CNTN4: variants seen among roughly 807,000 people sequenced by gnomAD.
The protein encoded by CNTN4 is contactin 4, also known as contactin-4.
CNTN4 carries 77 observed loss-of-function variants against 122.5 expected under a neutral mutation model. The ratio of observed to expected loss-of-function variants is 0.63; its 90% CI spans 0.52 to 0.76. The LOEUF (loss-of-function observed/expected upper bound fraction) is 0.76, where lower values mean the gene tolerates loss of function less well. Among genes scored for constraint, CNTN4 ranks in the 30% least tolerant of loss-of-function variants. The pLI is 0.00. For synonymous variants in CNTN4, 512 were observed against 447.0 expected (o/e 1.15, Z -1.83); for missense variants, 1,256 against 1,259.1 (o/e 1.00, Z 0.04).
chr3:2,663,659 A>G (rs912624961), intron 4 of CNTN4, among the ~76,000 whole-genome samples: 3 of 152,200 alleles, frequency 2.0e-5, no homozygotes, highest in African/African-American at 7.2e-5. Context: ...AAAGGGCTCA[A>G]AGAAGAATTT....
intron 2 of CNTN4, among the ~76,000 whole-genome samples, chr3:2,294,893 G>A (rs1481398648): frequency 6.6e-6 from 1 of 151,470 alleles, no homozygotes; most frequent in Non-Finnish European, 1.5e-5. Flanking sequence ...TGTTCTCATT[G>A]TTCAATTCCC....
intron 2 of CNTN4, among the ~76,000 whole-genome samples, chr3:2,336,479 A>C (rs1197838159): frequency 6.6e-6 from 1 of 152,098 alleles, no homozygotes; most frequent in Non-Finnish European, 1.5e-5. Context: ...ATTTGTATTC[A>C]TTGCTCACTT....
At chr3:2,666,828 C>A (rs7624568) in intron 4 of CNTN4, among the ~76,000 whole-genome samples, 64,188 of 148,438 alleles carry the variant, frequency 0.43, 14,332 homozygotes, top group South Asian at 0.57. Context: ...CCTATGAGTG[C>A]GAACACACGG....
In CNTN4 at chr3:2,931,297, G is replaced by A. The variant is rs1410900185; in HGVS notation, c.1358+5518G>A. On this transcript the variant is annotated intron_variant, in intron 13 of 24. Transcript: ENST00000418658. ...TAGTAAGTAGAAGGATTGAAAAAAG[G>A]AGGAGGAAAAAGAGGAAATGCCTCC... is the stretch of plus-strand genomic sequence containing the variant. Among the ~76,000 whole-genome samples, 10 of 152,272 alleles carry A rather than the reference G, an allele frequency of 6.6e-5. No homozygotes were observed. The East Asian group carries it at 1.7e-3, about 26-fold the overall frequency.
chr3:2,676,338 C>T (rs1212989519), intron 4 of CNTN4, among the ~76,000 whole-genome samples: 2 of 152,104 alleles, frequency 1.3e-5, no homozygotes, highest in East Asian at 1.9e-4. Flanking sequence ...TATCCTGCCT[C>T]AGCCTCCCGA....
chr3:2,813,329 C>G (rs1017705418), intron 6 of CNTN4, among the ~76,000 whole-genome samples: 5 of 152,166 alleles, frequency 3.3e-5, no homozygotes, highest in Non-Finnish European at 7.3e-5. Flanking sequence ...ACAAAGGGAA[C>G]TGGTGCTGAC....
At chr3:2,572,969 C>A (rs1010741054) in intron 4 of CNTN4, among the ~76,000 whole-genome samples, 1 of 152,148 alleles carries the variant, frequency 6.6e-6, no homozygotes, top group Non-Finnish European at 1.5e-5. Context: ...CTTTCTTCCA[C>A]GACCCTTAAG....
chr3:2,962,026 A>T (rs932187775), intron 13 of CNTN4, among the ~76,000 whole-genome samples: 3 of 152,222 alleles, frequency 2.0e-5, no homozygotes, highest in Non-Finnish European at 4.4e-5. Context: ...AGACAATTAC[A>T]TTTGAAATTT....
intron 13 of CNTN4, among the ~76,000 whole-genome samples, chr3:2,941,657 T>G (rs1235598718): frequency 6.6e-6 from 1 of 152,200 alleles, no homozygotes; most frequent in African/African-American, 2.4e-5. Context: ...TCCAGATGGT[T>G]GCAGTAGCCC....
At chr3:2,524,042 T>A (rs1446733664) in intron 3 of CNTN4, among the ~76,000 whole-genome samples, 1 of 152,092 alleles carries the variant, frequency 6.6e-6, no homozygotes, top group Non-Finnish European at 1.5e-5. Flanking sequence ...AATTGTACAA[T>A]TCAGTGTTTT....
intron 4 of CNTN4, among the ~76,000 whole-genome samples, chr3:2,643,143 C>T (rs903791506): frequency 1.3e-5 from 2 of 152,134 alleles, no homozygotes; most frequent in African/African-American, 4.8e-5. Context: ...CAAGTGATCT[C>T]ATAGTGATTT....
At chr3:2,314,722 G>T (rs1171880884) in intron 2 of CNTN4, among the ~76,000 whole-genome samples, 1 of 151,574 alleles carries the variant, frequency 6.6e-6, no homozygotes, top group South Asian at 2.1e-4. Flanking sequence ...AAATGTAAAA[G>T]AAATACAATT....
At chr3:2,769,064 C>T (rs1042988735) in intron 6 of CNTN4, among the ~76,000 whole-genome samples, 2 of 152,144 alleles carry the variant, frequency 1.3e-5, no homozygotes, top group Non-Finnish European at 2.9e-5. Context: ...TGACATTTGT[C>T]TTATTTTGTG....
chr3:3,017,121 C>T (rs974711575), intron 14 of CNTN4, among the ~76,000 whole-genome samples: 1 of 152,162 alleles, frequency 6.6e-6, no homozygotes, highest in Admixed American at 6.5e-5. Context: ...TTGTCTTCAG[C>T]CAAAATACAC....
At chr3:2,951,325 G>A (rs1353370051) in intron 13 of CNTN4, among the ~76,000 whole-genome samples, 1 of 152,136 alleles carries the variant, frequency 6.6e-6, no homozygotes, top group African/African-American at 2.4e-5. Flanking sequence ...ATTCTCATAA[G>A]GGGCATGCAA....
At chr3:2,788,645 T>C (rs1372436706) in intron 6 of CNTN4, among the ~76,000 whole-genome samples, 1 of 152,220 alleles carries the variant, frequency 6.6e-6, no homozygotes, top group South Asian at 2.1e-4. Context: ...TAAAGACTCC[T>C]ATTCTAAAGG....
chr3:2,863,687 T>A (rs1215030356), intron 7 of CNTN4, among the ~76,000 whole-genome samples: 1 of 151,790 alleles, frequency 6.6e-6, no homozygotes, highest in African/African-American at 2.4e-5. Context: ...GCTGTGGGGG[T>A]TAGATGGTTG....
intron 4 of CNTN4, among the ~76,000 whole-genome samples, chr3:2,690,891 G>A (rs932157): frequency 0.69 from 104,234 of 152,096 alleles, 37,221 homozygotes; most frequent in East Asian, 0.83. Flanking sequence ...GCAGAGAGTT[G>A]AATAGCTGTA....
chr3:2,124,957 T>C (rs953101303), intron 2 of CNTN4, among the ~76,000 whole-genome samples: 4 of 152,336 alleles, frequency 2.6e-5, no homozygotes, highest in South Asian at 4.1e-4. Flanking sequence ...ATGTTTTTAC[T>C]GGTAAGATCA....
Sources: gnomAD v4.1 joint callset for allele counts (sites outside exome capture counted in the v4.1 genomes callset) on GRCh38, gnomAD v4.1.1 for gene constraint, MANE v1.5 for transcripts, NCBI Gene and HGNC (gene_info 2026-07-23, HGNC 2026-07-21) for gene names.